The following CHP2 variants were observed in gnomAD, a reference collection of about 807,000 sequenced individuals.
CHP2 encodes calcineurin B homologous protein 2.
CHP2 carries 31 observed loss-of-function variants against 24.7 expected under a neutral mutation model. The observed-to-expected ratio is 1.26, with a 90% confidence interval of 0.94 to 1.69. The LOEUF (loss-of-function observed/expected upper bound fraction) is 1.69. Among genes scored for constraint, CHP2 ranks in the 40% most tolerant of loss-of-function variants. CHP2 has a pLI of 0.00. For synonymous variants in CHP2, 97 were observed against 99.1 expected (o/e 0.98, Z 0.13); for missense variants, 319 against 261.5 (o/e 1.22, Z -1.52).
rs1187728645 is a variant in CHP2 at position 23,755,891 on chromosome 16, T to A, written c.185T>A (p.Leu62Gln). Residue 62 changes from leucine to glutamine, a missense_variant, in exon 3 of 7, where the codon CTG becomes CAG. Transcript: ENST00000300113. ...QQIGALAVNP[L>Q]GDRIIESFFP... ...ATAGGGGCGCTCGCCGTGAACCCCCTGGGAGACCGAATTATAGAAAGCTTC... is the reference window on the plus strand; with the variant it reads ...ATAGGGGCGCTCGCCGTGAACCCCCAGGGAGACCGAATTATAGAAAGCTTC... 3 of 1,614,054 alleles carry A rather than the reference T, an allele frequency of 1.9e-6. No individual in the cohort carries two copies. The highest frequency in any genetic ancestry group is 2.7e-5 in the African/African-American group (2 of 74,896).
In CHP2 at chr16:23,758,564, C is replaced by A. The variant is rs979767510; in HGVS notation, c.*981C>A. ...CCCAGTGGGAAGAGATTTACTTATT[C>A]CAATAATTCCAAGTGGAGAGTGTCA... On this transcript the variant is annotated 3_prime_UTR_variant, in exon 7 of 7. Coordinates refer to ENST00000300113, the MANE Select transcript of CHP2 (RefSeq NM_022097.4). 6.6e-6 allele frequency: 1 copy of A among 152,172 alleles called. No homozygotes were observed. The highest frequency in any genetic ancestry group is 1.5e-5 in the Non-Finnish European group (1 of 68,032). 9.4% of individuals were successfully genotyped at this position (152,172 alleles called of 1,614,324 possible).
At chr16:23,757,033 G>A (rs1331739527) in intron 5 of CHP2, among the ~76,000 whole-genome samples, 168 bp from the exon 6 acceptor site, 2 of 142,916 alleles carry the variant, frequency 1.4e-5, no homozygotes, top group Non-Finnish European at 3.0e-5. Context: ...TAGGAGATTG[G>A]TTGTTGAAGC....
Position 23,757,263 on chromosome 16 carries a change from C to G in CHP2, c.477C>G (p.Arg159=). ...AGCAGCTGGAGAACATCGCTGACCG[C>G]ACGGTGCAGGAGGCTGATGAAGATG... ...TEEQLENIAD[R]TVQEADEDGD... is the part of the protein sequence containing the mutation. The change falls in exon 6 of 7, where the codon CGC becomes CGG. Residue 159 remains arginine, a synonymous_variant. Transcript: ENST00000300113. 1 of 1,613,918 alleles carries G rather than the reference C, an allele frequency of 6.2e-7. No homozygotes were observed. Among genetic ancestry groups the G allele is most frequent in the Non-Finnish European group, 8.5e-7 (1 of 1,179,958 alleles).
chr16:23,755,674 C>G lies in CHP2; in HGVS notation c.81C>G (p.Ser27Arg). Residue 27 changes from serine (S) to arginine (R), a missense_variant, in exon 2 of 7, where the codon AGC becomes AGG. By Grantham distance (110) the Ser-to-Arg change is moderately radical. Coordinates refer to ENST00000300113, the MANE Select transcript of CHP2 (RefSeq NM_022097.4). ...IRRETGFSQA[S>R]LLRLHHRFRA... Reference sequence around the variant, plus strand: ...TCCTTCCCGCAGTCTCCCAAGCCAGCCTGCTCCGCCTGCACCACCGGTTCC... The same window carrying G: ...TCCTTCCCGCAGTCTCCCAAGCCAGGCTGCTCCGCCTGCACCACCGGTTCC... 3 of 1,614,014 alleles carry G rather than the reference C, an allele frequency of 1.9e-6. No homozygotes were observed. The highest frequency in any genetic ancestry group is 2.5e-6 in the Non-Finnish European group (3 of 1,179,984).
intron 5 of CHP2, among the ~76,000 whole-genome samples, chr16:23,756,738 G>C (rs1457625114): frequency 1.3e-5 from 2 of 152,062 alleles, no homozygotes; most frequent in African/African-American, 4.8e-5. Flanking sequence ...TCACAATGGG[G>C]GAGAGAGTGT....
At position 23,758,325 on chromosome 16, in the gene CHP2, A is replaced by G. The variant is rs1961255399; in HGVS notation, c.*742A>G. On this transcript the variant is annotated 3_prime_UTR_variant, in exon 7 of 7. Coordinates refer to ENST00000300113, the MANE Select transcript of CHP2 (RefSeq NM_022097.4). ...ACTCAAAGTGACTTAAGTCAGAAAG[A>G]AATTTTATGAATTCAGGTAATTAAA... 1 of 152,250 alleles carries G rather than the reference A, an allele frequency of 6.6e-6. No homozygotes were observed. 9.4% of individuals were successfully genotyped at this position (152,250 alleles called of 1,614,324 possible).
chr16:23,755,289 T>A, intron 1 of CHP2, 173 bp downstream of exon 1: 1 of 601,070 alleles, frequency 1.7e-6, no homozygotes, highest in Non-Finnish European at 2.9e-6. Context: ...AGGGGCGGGT[T>A]AACCTAGGGG....
At position 23,757,649 on chromosome 16, in the gene CHP2, T is replaced by C. The variant is rs758234304; in HGVS notation, c.*66T>C. ...CCTTGGAATTCATCCAAAGCCCCCA[T>C]GGACGCATGGACGCAGGGCGACAAT... On this transcript the variant is annotated 3_prime_UTR_variant, in exon 7 of 7. Coordinates refer to ENST00000300113, the MANE Select transcript of CHP2 (RefSeq NM_022097.4). The C allele has an allele frequency of 3.9e-6, 5 of 1,288,522 alleles. No homozygotes were observed. The highest frequency in any genetic ancestry group is 1.2e-5 in the South Asian group (1 of 84,594). 79.8% of individuals were successfully genotyped at this position (1,288,522 alleles called of 1,614,324 possible).
chr16:23,756,471 G>T, intron 5 of CHP2, 22 bp downstream of exon 5: 1 of 1,600,054 alleles, frequency 6.2e-7, no homozygotes, highest in South Asian at 1.1e-5. Flanking sequence ...GCGAGAGCAA[G>T]AGATGTGATG....
At position 23,757,827 on chromosome 16, in the gene CHP2, A is replaced by G. The variant is rs370711897; in HGVS notation, c.*244A>G. On this transcript the variant is annotated 3_prime_UTR_variant, in exon 7 of 7. Coordinates refer to ENST00000300113, the MANE Select transcript of CHP2 (RefSeq NM_022097.4). ...ACAGGGGATGGTTTTGGGATGATTC[A>G]AGTGCATTACATTTATTGTGCACTT... 3 of 563,636 alleles carry G rather than the reference A, an allele frequency of 5.3e-6. No individual in the cohort carries two copies. Among genetic ancestry groups the G allele is most frequent in the East Asian group, 6.1e-5 (2 of 32,680 alleles). 34.9% of individuals were successfully genotyped at this position (563,636 alleles called of 1,614,324 possible).
rs763038749 is a variant in CHP2 at position 23,755,110 on chromosome 16, A to G, written c.61A>G (p.Thr21Ala). ...IPDGDSIRRE[T>A]GFSQASLLRL... ...CGACGGGGACAGTATTCGGCGAGAG[A>G]CCGGCTGTGAGTGCGCCCGCGTCGG... Residue 21 changes from threonine to alanine, a missense_variant, in exon 1 of 7, where the codon ACC becomes GCC. By Grantham distance (58) the Thr-to-Ala change is moderately conservative. Coordinates refer to ENST00000300113, the MANE Select transcript of CHP2 (RefSeq NM_022097.4). The G allele has an allele frequency of 2.5e-6, 4 of 1,600,084 alleles. No individual in the cohort carries two copies. The highest frequency in any genetic ancestry group is 1.1e-5 in the South Asian group (1 of 90,426).
Position 23,756,059 on chromosome 16 carries a change from C to T in CHP2, c.222-4C>T. On this transcript the variant is annotated splice_region_variant and splice_polypyrimidine_tract_variant and intron_variant, in intron 3 of 6. Coordinates refer to ENST00000300113, the MANE Select transcript of CHP2 (RefSeq NM_022097.4). ...CCTCTTTCCATTCTGTCCCGTCTCC[C>T]CAGGAGCCAGCGAGTGGATTTCCCA... The T allele has an allele frequency of 6.2e-7, 1 of 1,614,024 alleles. No individual in the cohort carries two copies. The highest frequency in any genetic ancestry group is 8.5e-7 in the Non-Finnish European group (1 of 1,179,986).
chr16:23,755,188 T>G (rs1287405792), intron 1 of CHP2, 72 bp downstream of exon 1: 2 of 1,160,798 alleles, frequency 1.7e-6, no homozygotes, highest in Non-Finnish European at 1.2e-6. Context: ...GGGAAGGGGT[T>G]GGGTTGAAGG....
chr16:23,755,553 T>C, intron 1 of CHP2, 108 bp from the exon 2 acceptor site: 1 of 968,304 alleles, frequency 1.0e-6, no homozygotes, highest in Non-Finnish European at 1.6e-6. Flanking sequence ...TGATCGCCCC[T>C]TCCAGCCAGC....
rs752062040 is a variant in CHP2, at chr16:23,756,462, C to A, written c.414+13C>A. On this transcript the variant is annotated intron_variant, in intron 5 of 6. Coordinates refer to ENST00000300113, the MANE Select transcript of CHP2 (RefSeq NM_022097.4). The stretch of plus-strand genomic sequence containing the variant: ...TGAGATGCTGCAGGTTGGCAGAAAG[C>A]GAGAGCAAGAGATGTGATGTGTGAA... 9 of 1,609,080 alleles carry A rather than the reference C, an allele frequency of 5.6e-6. No individual in the cohort carries two copies. Among genetic ancestry groups the A allele is most frequent in the Non-Finnish European group, 7.7e-6 (9 of 1,175,798 alleles).
chr16:23,755,083 C>G lies in CHP2; in HGVS notation c.34C>G (p.Pro12Ala). The G allele has an allele frequency of 6.2e-7, 1 of 1,601,224 alleles. No homozygotes were observed. The highest frequency in any genetic ancestry group is 8.5e-7 in the Non-Finnish European group (1 of 1,176,328). Residue 12 changes from proline (P) to alanine (A), a missense_variant, in exon 1 of 7, where the codon CCC (proline) becomes GCC (alanine). Physicochemically the swap from Pro to Ala is conservative, Grantham distance 27. Transcript: ENST00000300113. ...GCGCAGCTCCCACGCCGCGGTCATT[C>G]CCGACGGGGACAGTATTCGGCGAGA... ...GSRSSHAAVI[P>A]DGDSIRRETG...
Position 23,757,185 on chromosome 16 carries a change from T to C in CHP2, c.415-16T>C. On this transcript the variant is annotated splice_polypyrimidine_tract_variant and intron_variant, in intron 5 of 6. Coordinates refer to ENST00000300113, the MANE Select transcript of CHP2 (RefSeq NM_022097.4). ...CGTGCCCCCTCCTTATGGCTGCCTCTTCACTCATCTCTCAGGTTCTCCGTC... is the reference window on the plus strand; with the variant it reads ...CGTGCCCCCTCCTTATGGCTGCCTCCTCACTCATCTCTCAGGTTCTCCGTC... The C allele has an allele frequency of 1.2e-6, 2 of 1,613,980 alleles. No homozygotes were observed. Among genetic ancestry groups the C allele is most frequent in the East Asian group, 2.2e-5 (1 of 44,872 alleles).
In CHP2 at chr16:23,757,517, G is replaced by A. The variant is rs1337440087; in HGVS notation, c.538-13G>A. 2 of 1,613,632 alleles carry A rather than the reference G, an allele frequency of 1.2e-6. No individual in the cohort carries two copies. The highest frequency in any genetic ancestry group is 1.7e-5 in the Admixed American group (1 of 59,998). ...GAGTCAAGCCTCTTGCCTGCCATTT[G>A]TTTTTCCCTCAGTCCTTAGAGAAGA... On this transcript the variant is annotated splice_polypyrimidine_tract_variant and intron_variant, in intron 6 of 6. Coordinates refer to ENST00000300113, the MANE Select transcript of CHP2 (RefSeq NM_022097.4).
rs1567268490 is a variant in CHP2 at position 23,757,569 on chromosome 16, CG to C, written c.579del (p.Ile194SerfsTer2). 6.2e-7 allele frequency: 1 copy of C among 1,613,972 alleles called. No homozygotes were observed. The highest frequency in any genetic ancestry group is 1.7e-5 in the Admixed American group (1 of 60,006). On this transcript the variant is annotated frameshift_variant, in exon 7 of 7. Transcript: ENST00000300113. LOFTEE classifies it high-confidence loss of function. ...KMDVEQKMSI[R>X]ILK ...GGACGTTGAGCAAAAAATGAGCATC[CG>C]GATCCTGAAGTGACTCCGTTTGTGC...
Sources: allele counts gnomAD v4.1 joint callset (sites outside exome capture counted in the v4.1 genomes callset), GRCh38; gene constraint gnomAD v4.1.1; transcripts MANE v1.5; gene names NCBI Gene and HGNC (gene_info 2026-07-23, HGNC 2026-07-21).